Variants in SPTAN1 observed in about 807,000 individuals in gnomAD.
SPTAN1 encodes the protein spectrin alpha, non-erythrocytic 1, also known as spectrin alpha chain, non-erythrocytic 1.
Under a neutral mutation model 331.3 loss-of-function variants are expected in SPTAN1, and 61 were observed. That is an observed-to-expected ratio of 0.18 (90% confidence interval 0.15 to 0.23). SPTAN1 has a LOEUF of 0.23. SPTAN1 is among the 10% of genes least tolerant of loss of function. The pLI is 1.00. For missense variants in SPTAN1, 2,043 were observed against 3,147.9 expected, an observed-to-expected ratio of 0.65 and a Z score of 8.40; for synonymous variants, 1,153 against 1,173.9, an observed-to-expected ratio of 0.98 and a Z score of 0.36.
At chr9:128,576,638 T>G (rs1267216059) in intron 5 of SPTAN1, among the ~76,000 whole-genome samples, 185 bp from the exon 6 acceptor site, 1 of 152,240 alleles carries the variant, frequency 6.6e-6, no homozygotes, top group Non-Finnish European at 1.5e-5. Flanking sequence ...GGCTCTCCCC[T>G]TTTTACATAA....
intron 28 of SPTAN1, among the ~76,000 whole-genome samples, 167 bp downstream of exon 28, chr9:128,603,757 T>A (rs1855472227): frequency 6.6e-6 from 1 of 152,246 alleles, no homozygotes; most frequent in Non-Finnish European, 1.5e-5. Context: ...TCATGGCCGC[T>A]GGGTAGCTTG....
At chr9:128,561,903 C>T (rs1434625519) in intron 1 of SPTAN1, among the ~76,000 whole-genome samples, 2 of 151,936 alleles carry the variant, frequency 1.3e-5, no homozygotes, top group Non-Finnish European at 1.5e-5. Context: ...GTCCTGAGTT[C>T]TGTGCCCAGA....
At chr9:128,630,133 G>A in intron 51 of SPTAN1, 188 bp from the exon 52 acceptor site, 1 of 769,220 alleles carries the variant, frequency 1.3e-6, no homozygotes, top group Non-Finnish European at 2.4e-6. Context: ...TCTAAAACGG[G>A]AGAAATGCTC....
At chr9:128,560,062 A>T (rs1031645809) in intron 1 of SPTAN1, among the ~76,000 whole-genome samples, 2 of 147,636 alleles carry the variant, frequency 1.4e-5, no homozygotes, top group African/African-American at 5.0e-5. Flanking sequence ...AGAAATGATT[A>T]ATACATCCAC....
chr9:128,618,188 A>G (rs1237479060), intron 43 of SPTAN1, 80 bp downstream of exon 43: 2 of 1,593,656 alleles, frequency 1.3e-6, no homozygotes, highest in Non-Finnish European at 1.7e-6. Flanking sequence ...GTGGGGGTCC[A>G]GTGGGCCCTC....
rs573218149 is a variant in SPTAN1 at position 128,624,531 on chromosome 9, C to T, written c.5992+44C>T. 2.1e-5 allele frequency: 33 copies of T among 1,606,182 alleles called. No homozygotes were observed. The East Asian group carries it at 3.1e-4, about 15-fold the overall frequency. On this transcript the variant is annotated intron_variant, in intron 46 of 56. Coordinates refer to ENST00000372739, the MANE Select transcript of SPTAN1 (RefSeq NM_001130438.3). ...GCCCGGAAGAGCCTTCCCAGAGCTGCTCTTTGTCTCCTTCCGTGTCATTGG... is the reference window on the plus strand; with the variant it reads ...GCCCGGAAGAGCCTTCCCAGAGCTGTTCTTTGTCTCCTTCCGTGTCATTGG...
At chr9:128,569,328 G>A (rs922930599) in intron 3 of SPTAN1, among the ~76,000 whole-genome samples, 3 of 151,062 alleles carry the variant, frequency 2.0e-5, no homozygotes, top group Non-Finnish European at 4.4e-5. Flanking sequence ...AGGGGTTTAC[G>A]TCTAGGCAGC....
At position 128,627,545 on chromosome 9, in the gene SPTAN1, C is replaced by CTT. The variant is rs751852536; in HGVS notation, c.6689+48_6689+49dup. ...GGAGCAGCAGCATGTCCCTGCTGTA[C>CTT]TTAAGCCCTGGGGAGCTTCCAGCCC... On this transcript the variant is annotated intron_variant, in intron 50 of 56. Coordinates refer to ENST00000372739, the MANE Select transcript of SPTAN1 (RefSeq NM_001130438.3). The surrounding 1 kb of genome is among the most constrained non-coding windows in gnomAD (Gnocchi z 4.9). 7.3e-6 allele frequency: 11 copies of CTT among 1,503,332 alleles called. No homozygotes were observed. The highest frequency in any genetic ancestry group is 1.0e-5 in the Non-Finnish European group (11 of 1,103,832). The allele number at this position is 1,503,332 out of a possible 1,614,324, so 93.1% of individuals were successfully genotyped here. A position where few individuals can be genotyped will look rare whatever the true frequency, so the allele number is the denominator to read the frequency against.
At chr9:128,626,102 C>A in intron 48 of SPTAN1, 124 bp downstream of exon 48, 2 of 1,229,530 alleles carry the variant, frequency 1.6e-6, no homozygotes, top group Non-Finnish European at 2.3e-6. Context: ...AGCTTTCAAA[C>A]ATGGGTGTGG....
chr9:128,603,749 A>G (rs1855470758), intron 28 of SPTAN1, among the ~76,000 whole-genome samples, 159 bp downstream of exon 28: 1 of 152,214 alleles, frequency 6.6e-6, no homozygotes, highest in African/African-American at 2.4e-5. Flanking sequence ...CAGCACATTC[A>G]TGGCCGCTGG....
intron 20 of SPTAN1, 137 bp from the exon 21 acceptor site, chr9:128,588,672 G>C (rs1197842335): frequency 1.6e-6 from 2 of 1,262,586 alleles, no homozygotes; most frequent in Admixed American, 3.5e-5. Context: ...GATTTTATTG[G>C]TAGCTTCAGT....
chr9:128,627,857 TCCC>T lies in SPTAN1; in HGVS notation c.6690-64_6690-62del. 1 of 1,574,112 alleles carries T rather than the reference TCCC, an allele frequency of 6.4e-7. No homozygotes were observed. The highest frequency in any genetic ancestry group is 8.7e-7 in the Non-Finnish European group (1 of 1,143,580). On this transcript the variant is annotated intron_variant, in intron 50 of 56. Transcript: ENST00000372739. This position sits in a 1 kb window ranked among gnomAD's most constrained non-coding sequence, Gnocchi z 4.9. ...CTTTCTTTCTTGTGTCTTCTCTCTG[TCCC>T]CCCGATTGCTGCTGTTGTCCGGACA...
chr9:128,552,921 C>G lies in SPTAN1; in HGVS notation c.-4+225C>G, dbSNP rs13296983. 6.6e-6 allele frequency: 1 copy of G among 152,396 alleles called. No individual in the cohort carries two copies. The highest frequency in any genetic ancestry group is 1.5e-5 in the Non-Finnish European group (1 of 68,194). The allele number at this position is 152,396 out of a possible 1,614,324, so 9.4% of individuals were successfully genotyped here. ...CAGCCGGGCCGAGGCTCGGCGCCGC[C>G]GCTGGAATGTCACTGACGGGGGGAG... is the stretch of plus-strand genomic sequence containing the variant. On this transcript the variant is annotated intron_variant, in intron 1 of 56. Transcript: ENST00000372739. The surrounding 1 kb of genome is among the most constrained non-coding windows in gnomAD (Gnocchi z 4.6).
At chr9:128,588,750 C>T in intron 20 of SPTAN1, 59 bp from the exon 21 acceptor site, 14 of 1,609,044 alleles carry the variant, frequency 8.7e-6, no homozygotes, top group East Asian at 2.2e-5. Flanking sequence ...CTGCTCTGTA[C>T]TTAGATGACT....
At chr9:128,566,677 A>C in intron 1 of SPTAN1, 61 bp from the exon 2 acceptor site, 1 of 1,611,988 alleles carries the variant, frequency 6.2e-7, no homozygotes. Context: ...AGAGAGGCTA[A>C]TTACTTTTCA....
rs1859294968 is a variant in SPTAN1 at position 128,629,332 on chromosome 9, C to G, written c.6708-989C>G. ...GTCCTCCCACTGCACCGGCACCCAG[C>G]CTCCTGCCCCCAGGTCCTGGGGGGC... On this transcript the variant is annotated intron_variant, in intron 51 of 56. Coordinates refer to ENST00000372739, the MANE Select transcript of SPTAN1 (RefSeq NM_001130438.3). This position sits in a 1 kb window ranked among gnomAD's most constrained non-coding sequence, Gnocchi z 4.9. The G allele has an allele frequency of 2.5e-6, 1 of 393,766 alleles. No homozygotes were observed. Among genetic ancestry groups the G allele is most frequent in the African/African-American group, 2.1e-5 (1 of 48,554 alleles). 24.4% of individuals were successfully genotyped at this position (393,766 alleles called of 1,614,324 possible).
chr9:128,602,824 C>T (rs567160596), intron 27 of SPTAN1, among the ~76,000 whole-genome samples: 33 of 151,828 alleles, frequency 2.2e-4, no homozygotes, highest in Middle Eastern at 3.4e-3. Context: ...TTAGTGGAGA[C>T]GGGGTTTCAC....
chr9:128,621,681 G>A (rs1857875195), intron 45 of SPTAN1: 2 of 282,322 alleles, frequency 7.1e-6, no homozygotes, highest in Admixed American at 4.6e-5. Context: ...AGAGCTACCA[G>A]CTAGATCAAA....
At chr9:128,598,358 T>C in intron 24 of SPTAN1, 42 bp from the exon 25 acceptor site, 1 of 1,509,144 alleles carries the variant, frequency 6.6e-7, no homozygotes, top group Non-Finnish European at 9.1e-7. Context: ...TGACTTTGGC[T>C]TGCTATTTTG....
Sources: gnomAD v4.1 joint callset for allele counts (sites outside exome capture counted in the v4.1 genomes callset) on GRCh38, gnomAD v4.1.1 for gene constraint, Gnocchi (gnomAD v3.1) non-coding constraint, MANE v1.5 for transcripts, NCBI Gene and HGNC (gene_info 2026-07-23, HGNC 2026-07-21) for gene names.